The following ITGB3BP variants were observed in gnomAD, a reference collection of about 807,000 sequenced individuals.
ITGB3BP encodes centromere protein R.
Under a neutral mutation model 29.1 loss-of-function variants are expected in ITGB3BP, and 27 were observed. That is an observed-to-expected ratio of 0.93 (90% CI 0.68 to 1.28). ITGB3BP has a LOEUF of 1.28. ITGB3BP is among the 50% of genes most tolerant of loss of function. ITGB3BP has a pLI of 0.00. For missense variants in ITGB3BP, 192 were observed against 200.2 expected, an observed-to-expected ratio of 0.96 and a Z score of 0.25; for synonymous variants, 61 against 61.4, an observed-to-expected ratio of 0.99 and a Z score of 0.03.
At chr1:63,450,681 C>G (rs539691009) in intron 7 of ITGB3BP, among the ~76,000 whole-genome samples, 10 of 151,830 alleles carry the variant, frequency 6.6e-5, no homozygotes, top group African/African-American at 2.4e-4. Context: ...GAAAAAGAAC[C>G]TTTCATTTCA....
intron 7 of ITGB3BP, chr1:63,453,638 TA>T: frequency 3.9e-6 from 1 of 253,782 alleles, no homozygotes; most frequent in South Asian, 9.1e-5. Flanking sequence ...GAAATTTTAA[TA>T]AAAAGACAAA....
intron 2 of ITGB3BP, among the ~76,000 whole-genome samples, chr1:63,493,413 T>G (rs778970393): frequency 6.9e-6 from 1 of 144,528 alleles, no homozygotes; most frequent in Non-Finnish European, 1.5e-5. Context: ...AGATTCTGTC[T>G]CAAAAAACAA....
chr1:63,485,186 G>A (rs890583543), intron 3 of ITGB3BP, among the ~76,000 whole-genome samples: 2 of 151,964 alleles, frequency 1.3e-5, no homozygotes, highest in African/African-American at 4.8e-5. Flanking sequence ...TATACGTCAA[G>A]TACCATTCTA....
intron 1 of ITGB3BP, among the ~76,000 whole-genome samples, chr1:63,518,089 A>G (rs983146141): frequency 1.2e-4 from 18 of 152,128 alleles, no homozygotes; most frequent in African/African-American, 4.1e-4. Context: ...AAGTGGTGAG[A>G]GGGCACGTTC....
upstream of ITGB3BP, among the ~76,000 whole-genome samples, chr1:63,525,376 C>T (rs541678874): frequency 6.6e-6 from 1 of 152,056 alleles, no homozygotes; most frequent in Non-Finnish European, 1.5e-5. Context: ...ATATATAATA[C>T]GTCCATATAC....
chr1:63,521,577 G>T (rs1257595073), intron 1 of ITGB3BP, among the ~76,000 whole-genome samples: 1 of 152,076 alleles, frequency 6.6e-6, no homozygotes, highest in Non-Finnish European at 1.5e-5. Flanking sequence ...AACTCCTATA[G>T]TCCCAGCACA....
chr1:63,485,316 T>C (rs1014717700), intron 3 of ITGB3BP, among the ~76,000 whole-genome samples: 2 of 152,100 alleles, frequency 1.3e-5, no homozygotes, highest in African/African-American at 4.8e-5. Context: ...GATAGATATC[T>C]TGTCTGCCTG....
chr1:63,501,982 A>G (rs1298386967), intron 2 of ITGB3BP, among the ~76,000 whole-genome samples: 3 of 152,142 alleles, frequency 2.0e-5, no homozygotes, highest in African/African-American at 7.2e-5. Flanking sequence ...CAGGAAGCCT[A>G]TTGAGCTGGC....
chr1:63,478,623 CTACT>C, intron 4 of ITGB3BP, 137 bp downstream of exon 4: 1 of 510,424 alleles, frequency 2.0e-6, no homozygotes, highest in Non-Finnish European at 3.4e-6. Flanking sequence ...CTAAGGTATT[CTACT>C]TACTTAAGAA....
Position 63,454,947 on chromosome 1 carries a change from T to G in ITGB3BP, c.276A>C (p.Lys92Asn), listed in dbSNP as rs1344703969. ...DNDEFMMLLS[K>N]VEKLSEEIME... is the part of the protein sequence containing the mutation. Reference sequence around the variant, plus strand: ...TGATTTCTTCTGACAATTTCTCAACTTTTGATAGCAACATCATGAATCTAG... The same window carrying G: ...TGATTTCTTCTGACAATTTCTCAACGTTTGATAGCAACATCATGAATCTAG... The change falls in exon 5 of 9, where the codon AAA becomes AAC. Residue 92 changes from lysine to asparagine, a missense_variant. Transcript: ENST00000271002. This position sits in a 1 kb window ranked among gnomAD's most constrained non-coding sequence, Gnocchi z 4.1. 2.6e-6 allele frequency: 4 copies of G among 1,553,522 alleles called. No individual in the cohort carries two copies. The highest frequency in any genetic ancestry group is 2.7e-6 in the Non-Finnish European group (3 of 1,126,262).
chr1:63,485,655 G>C (rs750829230), intron 3 of ITGB3BP, among the ~76,000 whole-genome samples: 5 of 151,952 alleles, frequency 3.3e-5, no homozygotes, highest in Non-Finnish European at 7.4e-5. Flanking sequence ...GTTATTTTAA[G>C]AGAATCTGTG....
chr1:63,493,646 A>G (rs1023159774), intron 2 of ITGB3BP, among the ~76,000 whole-genome samples: 1 of 152,154 alleles, frequency 6.6e-6, no homozygotes, highest in Non-Finnish European at 1.5e-5. Flanking sequence ...AAAAAAATCA[A>G]TGTTCTCTCA....
At chr1:63,520,764 T>G (rs12124094) in intron 1 of ITGB3BP, among the ~76,000 whole-genome samples, 59,874 of 151,946 alleles carry the variant, frequency 0.39, 13,543 homozygotes, top group Non-Finnish European at 0.52. Flanking sequence ...TGCATCTATT[T>G]GCTTCCCCCA....
chr1:63,445,377 G>GT (rs34775566), intron 8 of ITGB3BP, among the ~76,000 whole-genome samples: 40,454 of 151,936 alleles, frequency 0.27, 7,449 homozygotes, highest in African/African-American at 0.53. Context: ...ATAAGCTATT[G>GT]TTACTACATA....
intron 3 of ITGB3BP, among the ~76,000 whole-genome samples, chr1:63,489,408 C>CAAA (rs34702253): frequency 7.0e-6 from 1 of 141,856 alleles, no homozygotes. Context: ...TAACCTTTCT[C>CAAA]AAAAAAAAAA....
intron 4 of ITGB3BP, chr1:63,457,712 C>G (rs1229487002): frequency 6.6e-6 from 1 of 152,152 alleles, no homozygotes. Flanking sequence ...TTGCCTCTCG[C>G]TAGACTAAAT....
chr1:63,469,660 G>A (rs1237336976), intron 4 of ITGB3BP, among the ~76,000 whole-genome samples: 3 of 152,112 alleles, frequency 2.0e-5, no homozygotes, highest in Non-Finnish European at 4.4e-5. Context: ...ACACTTATGG[G>A]CATATCTAAA....
At chr1:63,487,349 T>C (rs972003872) in intron 3 of ITGB3BP, among the ~76,000 whole-genome samples, 11 of 152,030 alleles carry the variant, frequency 7.2e-5, no homozygotes, top group Non-Finnish European at 1.2e-4. Context: ...AGAAACTTGC[T>C]ATGGGTTGGA....
chr1:63,498,534 A>G (rs760189388), intron 2 of ITGB3BP, among the ~76,000 whole-genome samples: 5 of 152,066 alleles, frequency 3.3e-5, no homozygotes, highest in Non-Finnish European at 7.4e-5. Flanking sequence ...AAACATAGAA[A>G]AACTTAATGG....
Sources: gnomAD v4.1 joint callset for allele counts (sites outside exome capture counted in the v4.1 genomes callset) on GRCh38, gnomAD v4.1.1 for gene constraint, Gnocchi (gnomAD v3.1) non-coding constraint, MANE v1.5 for transcripts, NCBI Gene and HGNC (gene_info 2026-07-23, HGNC 2026-07-21) for gene names.